The following ASIC2 variants were observed in gnomAD, a reference collection of about 807,000 sequenced individuals.
ASIC2 encodes the protein acid-sensing ion channel 2.
In ASIC2, 25 loss-of-function variants were observed where a neutral mutation model predicts 57.3. That is an observed-to-expected ratio of 0.44 (90% confidence interval 0.32 to 0.61). The LOEUF (loss-of-function observed/expected upper bound fraction) is 0.61, where lower values mean the gene tolerates loss of function less well. Ranked by LOEUF, ASIC2 falls within the 20% of genes least tolerant of loss-of-function variation. The probability of loss-of-function intolerance (pLI) is 0.06; values close to 1 mark genes in which losing one functional copy is unlikely to be tolerated. For missense variants in ASIC2, 641 were observed against 738.1 expected, an observed-to-expected ratio of 0.87 and a Z score of 1.52; for synonymous variants, 319 against 307.5, an observed-to-expected ratio of 1.04 and a Z score of -0.39.
chr17:33,539,126 C>T (rs1483679954), intron 1 of ASIC2, among the ~76,000 whole-genome samples: 1 of 152,180 alleles, frequency 6.6e-6, no homozygotes, highest in Non-Finnish European at 1.5e-5. Context: ...TACTGTAGTA[C>T]ACACTCCTAT....
intron 1 of ASIC2, among the ~76,000 whole-genome samples, chr17:33,225,663 G>A (rs1907851248): frequency 6.6e-6 from 1 of 152,174 alleles, no homozygotes. Context: ...AGTGAAAAGG[G>A]TCACCAGATC....
intron 1 of ASIC2, among the ~76,000 whole-genome samples, chr17:34,151,496 G>A (rs755115639): frequency 6.6e-6 from 1 of 152,202 alleles, no homozygotes; most frequent in Admixed American, 6.5e-5. Context: ...CCTGGCGTGG[G>A]GAGAGGGGCT....
rs552621237 is a variant in ASIC2 at position 34,032,944 on chromosome 17, A to C, written c.555+123034T>G. 2.6e-5 allele frequency among the ~76,000 whole-genome samples: 4 copies of C among 152,342 alleles called. No homozygotes were observed. In the South Asian group the frequency reaches 8.3e-4, roughly 32 times the overall value. On this transcript the variant is annotated intron_variant, in intron 1 of 9. Coordinates refer to the ASIC2 transcript ENST00000359872. ...ACTTTAACACCCCACTGTCAACATTAGACAGATAAACAAGACAGAAAGTTA... is the reference window on the plus strand; with the variant it reads ...ACTTTAACACCCCACTGTCAACATTCGACAGATAAACAAGACAGAAAGTTA...
At chr17:33,781,166 C>T (rs1911441725) in intron 1 of ASIC2, among the ~76,000 whole-genome samples, 1 of 152,120 alleles carries the variant, frequency 6.6e-6, no homozygotes, top group East Asian at 1.9e-4. Flanking sequence ...CCCAAAGTGC[C>T]CGCGTTTAAT....
At chr17:33,897,075 C>T (rs1345813704) in intron 1 of ASIC2, among the ~76,000 whole-genome samples, 3 of 152,142 alleles carry the variant, frequency 2.0e-5, no homozygotes, top group Non-Finnish European at 4.4e-5. Flanking sequence ...TGGGTAGGCA[C>T]ATTGGGAAAT....
chr17:33,578,061 T>A lies in ASIC2; in HGVS notation c.556-465994A>T, dbSNP rs1350120806. Among the ~76,000 whole-genome samples the A allele has an allele frequency of 2.0e-5, 3 of 152,166 alleles. No homozygotes were observed. The South Asian group carries it at 6.2e-4, about 32-fold the overall frequency. ...CTGTACTTTCTGGGTGGAGCTGAAT[T>A]TCTATAGGAACATACTTCCCGTCTC... On this transcript the variant is annotated intron_variant, in intron 1 of 9. Transcript: ENST00000359872.
intron 1 of ASIC2, among the ~76,000 whole-genome samples, chr17:33,580,759 A>G (rs923205567): frequency 6.6e-6 from 1 of 152,180 alleles, no homozygotes. Context: ...ATAAGGTGGT[A>G]GTAATGTCTT....
intron 1 of ASIC2, among the ~76,000 whole-genome samples, chr17:33,906,691 G>T (rs1915357764): frequency 6.6e-6 from 1 of 152,336 alleles, no homozygotes; most frequent in East Asian, 1.9e-4. Context: ...CTATAAGGCT[G>T]TTGGAATGCA....
At chr17:33,120,392 G>A (rs1252522531) in intron 1 of ASIC2, among the ~76,000 whole-genome samples, 1 of 152,210 alleles carries the variant, frequency 6.6e-6, no homozygotes, top group East Asian at 1.9e-4. Context: ...CTGCAAATCT[G>A]TCTGTTGGTT....
rs145003631 is a variant in ASIC2 at position 34,130,980 on chromosome 17, C to T, written c.555+24998G>A. Among the ~76,000 whole-genome samples, 209 of 152,066 alleles carry T rather than the reference C, an allele frequency of 1.4e-3. 2 individuals carry two copies. The highest frequency in any genetic ancestry group is 4.6e-3 in the African/African-American group (191 of 41,456). On this transcript the variant is annotated intron_variant, in intron 1 of 9. Transcript: ENST00000359872. ...TAGGGAGAGATCGAGAAAGCCTTCG[C>T]GGAAAAAGCTGCATTGGAGATGGAC...
At position 34,154,792 on chromosome 17, in the gene ASIC2, G is replaced by A. The variant is rs931792850; in HGVS notation, c.555+1186C>T. Among the ~76,000 whole-genome samples, 6 of 152,150 alleles carry A rather than the reference G, an allele frequency of 3.9e-5. No homozygotes were observed. The South Asian group carries it at 6.2e-4, about 16-fold the overall frequency. ...CAATTGCATTTTGGCTCAACGTTCT[G>A]AGACTCAAAAGCTCTCAATCCTCCC... On this transcript the variant is annotated intron_variant, in intron 1 of 9. Transcript: ENST00000359872.
intron 3 of ASIC2, among the ~76,000 whole-genome samples, chr17:33,050,323 C>A (rs2091970393): frequency 6.6e-6 from 1 of 152,186 alleles, no homozygotes; most frequent in African/African-American, 2.4e-5. Context: ...TGGCGGCATC[C>A]CTTCTCTTGT....
chr17:34,133,978 T>A (rs993140347), intron 1 of ASIC2, among the ~76,000 whole-genome samples: 4 of 152,138 alleles, frequency 2.6e-5, no homozygotes, highest in African/African-American at 9.7e-5. Context: ...TGGCTCAAAT[T>A]GTCACTAGTT....
intron 1 of ASIC2, among the ~76,000 whole-genome samples, chr17:33,279,387 G>A (rs1329567663): frequency 6.6e-6 from 1 of 152,142 alleles, no homozygotes; most frequent in Non-Finnish European, 1.5e-5. Context: ...CATGGAAGCT[G>A]GAAAATTCTT....
intron 1 of ASIC2, among the ~76,000 whole-genome samples, chr17:33,964,412 C>CAGT (rs554370257): frequency 3.1e-4 from 47 of 152,370 alleles, no homozygotes; most frequent in Middle Eastern, 6.8e-3. Context: ...CAAGAACACT[C>CAGT]AGTAGTCTTA....
intron 1 of ASIC2, among the ~76,000 whole-genome samples, chr17:34,137,505 G>A (rs888035360): frequency 2.0e-5 from 3 of 152,226 alleles, no homozygotes; most frequent in Non-Finnish European, 4.4e-5. Flanking sequence ...AGAGCAGGTT[G>A]TGTGGAGGAA....
Position 34,015,711 on chromosome 17 carries a change from G to A in ASIC2, c.555+140267C>T, listed in dbSNP as rs143760405. On this transcript the variant is annotated intron_variant, in intron 1 of 9. Transcript: ENST00000359872. ...AAAACTCTAATTCTATATTCCTTTC[G>A]TAATAAGATTTTCTTAGCATGTTTT... is the stretch of plus-strand genomic sequence containing the variant. Among the ~76,000 whole-genome samples the A allele has an allele frequency of 2.3e-3, 345 of 152,312 alleles. 1 individual carries two copies. The highest frequency in any genetic ancestry group is 7.7e-3 in the African/African-American group (319 of 41,562).
chr17:33,474,848 C>T (rs1913168565), intron 1 of ASIC2, among the ~76,000 whole-genome samples: 2 of 152,134 alleles, frequency 1.3e-5, no homozygotes, highest in South Asian at 4.1e-4. Flanking sequence ...TGCGTGTGAC[C>T]TTAGAATGGT....
rs544521592 is a variant in ASIC2, at chr17:33,702,452, G to T, written c.555+453526C>A. On this transcript the variant is annotated intron_variant, in intron 1 of 9. Transcript: ENST00000359872. ...GATAGTTCACTACAACTTGAAATCT[G>T]GGCAACCCAATTCTCTCTGAGTTTC... 2.6e-5 allele frequency among the ~76,000 whole-genome samples: 4 copies of T among 152,238 alleles called. No individual in the cohort carries two copies. The East Asian group carries it at 7.7e-4, about 29-fold the overall frequency.
Sources: gnomAD v4.1 joint callset for allele counts (sites outside exome capture counted in the v4.1 genomes callset) on GRCh38, gnomAD v4.1.1 for gene constraint, MANE v1.5 for transcripts, NCBI Gene and HGNC (gene_info 2026-07-23, HGNC 2026-07-21) for gene names.